Variants in PEX13 observed in about 807,000 individuals in gnomAD.
The protein encoded by PEX13 is peroxisome biogenesis factor 13.
PEX13 carries 28 observed loss-of-function variants against 34.5 expected under a neutral mutation model. The ratio of observed to expected loss-of-function variants is 0.81; its 90% CI spans 0.60 to 1.11. The LOEUF (loss-of-function observed/expected upper bound fraction) is 1.11. PEX13 is among the 50% of genes most tolerant of loss of function. The pLI is 0.00. For missense variants in PEX13, 550 were observed against 491.0 expected, an observed-to-expected ratio of 1.12 and a Z score of -1.13; for synonymous variants, 177 against 175.1, an observed-to-expected ratio of 1.01 and a Z score of -0.09.
rs150515725 is a variant in PEX13, at chr2:61,029,219, C to T, written c.93-2200C>T. Among the ~76,000 whole-genome samples the T allele has an allele frequency of 2.2e-4, 33 of 149,876 alleles. No individual in the cohort carries two copies. The East Asian group carries it at 3.1e-3, about 14-fold the overall frequency. On this transcript the variant is annotated intron_variant, in intron 1 of 3. Transcript: ENST00000295030. ...TATTTTTCCAAATAAGATTGTAAAA[C>T]GACCAATAAGCACATGAAAATATGC...
intron 1 of PEX13, 33 bp from the exon 2 acceptor site, chr2:61,031,386 T>G (rs1345804947): frequency 6.6e-6 from 10 of 1,504,992 alleles, no homozygotes; most frequent in East Asian, 2.3e-5. Context: ...ATTGTATGCT[T>G]AAATAACTGT....
rs949456015 is a variant in PEX13 at position 61,051,116 on chromosome 2, A to G, written c.*2346A>G. Reference sequence around the variant, plus strand: ...AATAGAAATCTTGACCCAGTGCAGAAAAATAAATATAGTAAAATTTATTTA... The same window carrying G: ...AATAGAAATCTTGACCCAGTGCAGAGAAATAAATATAGTAAAATTTATTTA... On this transcript the variant is annotated 3_prime_UTR_variant, in exon 4 of 4. Coordinates refer to ENST00000295030, the MANE Select transcript of PEX13 (RefSeq NM_002618.4). 1 of 152,292 alleles carries G rather than the reference A, an allele frequency of 6.6e-6. No homozygotes were observed. Among genetic ancestry groups the G allele is most frequent in the African/African-American group, 2.4e-5 (1 of 41,444 alleles). 9.4% of individuals were successfully genotyped at this position (152,292 alleles called of 1,614,324 possible). A position where few individuals can be genotyped will look rare whatever the true frequency, so the allele number is the denominator to read the frequency against.
At chr2:61,035,206 A>G (rs1680515862) in intron 2 of PEX13, among the ~76,000 whole-genome samples, 1 of 152,148 alleles carries the variant, frequency 6.6e-6, no homozygotes, top group Non-Finnish European at 1.5e-5. Context: ...CCTCCAGCAA[A>G]CTCCAACAGA....
In PEX13 at chr2:61,051,080, A is replaced by G. The variant is rs902818103; in HGVS notation, c.*2310A>G. On this transcript the variant is annotated 3_prime_UTR_variant, in exon 4 of 4. Coordinates refer to ENST00000295030, the MANE Select transcript of PEX13 (RefSeq NM_002618.4). Reference sequence around the variant, plus strand: ...TTGAAACGACAGTATCGTAAGTAACATATCATTTATAATAGAAATCTTGAC... The same window carrying G: ...TTGAAACGACAGTATCGTAAGTAACGTATCATTTATAATAGAAATCTTGAC... The G allele has an allele frequency of 1.3e-5, 2 of 152,364 alleles. No individual in the cohort carries two copies. The highest frequency in any genetic ancestry group is 6.5e-5 in the Admixed American group (1 of 15,278). 9.4% of individuals were successfully genotyped at this position (152,364 alleles called of 1,614,324 possible).
intron 2 of PEX13, among the ~76,000 whole-genome samples, chr2:61,037,017 A>G (rs1186727205): frequency 6.6e-6 from 1 of 152,182 alleles, no homozygotes; most frequent in South Asian, 2.1e-4. Flanking sequence ...AACAAAGATC[A>G]AAAGAGACAA....
chr2:61,035,658 A>G (rs531718055), intron 2 of PEX13, among the ~76,000 whole-genome samples: 1 of 152,180 alleles, frequency 6.6e-6, no homozygotes, highest in Non-Finnish European at 1.5e-5. Flanking sequence ...GCCACAGCAC[A>G]AGAACTTCAT....
chr2:61,025,253 T>G (rs1680333009), intron 1 of PEX13, among the ~76,000 whole-genome samples: 2 of 152,004 alleles, frequency 1.3e-5, no homozygotes, highest in Admixed American at 1.3e-4. Flanking sequence ...TAGTTTTTAA[T>G]AGAGACGGGG....
chr2:61,051,195 G>A lies in PEX13; in HGVS notation c.*2425G>A, dbSNP rs1163336437. The A allele has an allele frequency of 6.6e-6, 1 of 152,174 alleles. No individual in the cohort carries two copies. The highest frequency in any genetic ancestry group is 2.4e-5 in the African/African-American group (1 of 41,408). 9.4% of individuals were successfully genotyped at this position (152,174 alleles called of 1,614,324 possible). A position where few individuals can be genotyped will look rare whatever the true frequency, so the allele number is the denominator to read the frequency against. On this transcript the variant is annotated 3_prime_UTR_variant, in exon 4 of 4. Coordinates refer to ENST00000295030, the MANE Select transcript of PEX13 (RefSeq NM_002618.4). ...ATTAGCCTTGAAGTTGAAGAGATAA[G>A]GTTTCTTGTATATTATTTTTCATTT...
Position 61,017,830 on chromosome 2 carries a change from C to T in PEX13, c.71C>T (p.Pro24Leu). The change falls in exon 1 of 4, where the codon CCA becomes CTA. Residue 24 changes from proline to leucine, a missense_variant. Pro to Leu is a moderately conservative substitution (Grantham distance 98). Transcript: ENST00000295030. ...TRRIPGAGPGPGPGPTFQSAD... is the reference protein window; with the variant it reads ...TRRIPGAGPGLGPGPTFQSAD... ...CGAATTCCGGGAGCCGGACCGGGAC[C>T]AGGACCGGGCCCCACTTTCCAGTGA... The T allele has an allele frequency of 3.9e-6, 6 of 1,550,532 alleles. No homozygotes were observed. The highest frequency in any genetic ancestry group is 5.2e-6 in the Non-Finnish European group (6 of 1,146,784).
chr2:61,036,303 A>G (rs1680533834), intron 2 of PEX13, among the ~76,000 whole-genome samples: 1 of 152,188 alleles, frequency 6.6e-6, no homozygotes. Context: ...ACTCCTCGAG[A>G]AGAGCAACCC....
At chr2:61,020,116 A>G (rs565720378) in intron 1 of PEX13, among the ~76,000 whole-genome samples, 2 of 152,200 alleles carry the variant, frequency 1.3e-5, no homozygotes, top group East Asian at 3.9e-4. Context: ...GTCCCAGCTA[A>G]TCAGGAGGCT....
intron 3 of PEX13, among the ~76,000 whole-genome samples, chr2:61,046,958 G>A (rs1680712159): frequency 6.6e-6 from 1 of 152,096 alleles, no homozygotes; most frequent in Non-Finnish European, 1.5e-5. Flanking sequence ...GGTGCAGTGT[G>A]TGCACCTATA....
chr2:61,024,102 C>G (rs761194476), intron 1 of PEX13, among the ~76,000 whole-genome samples: 5 of 152,168 alleles, frequency 3.3e-5, no homozygotes, highest in Middle Eastern at 3.2e-3. Context: ...CTCACCATCT[C>G]TGTCTTATTC....
chr2:61,047,615 A>G (rs1680724480), intron 3 of PEX13, among the ~76,000 whole-genome samples: 1 of 152,166 alleles, frequency 6.6e-6, no homozygotes, highest in Non-Finnish European at 1.5e-5. Context: ...AAAATTTTAT[A>G]TTTCATTATT....
At chr2:61,042,668 AAAAAT>A (rs1183855360) in intron 2 of PEX13, among the ~76,000 whole-genome samples, 4 of 152,192 alleles carry the variant, frequency 2.6e-5, no homozygotes, top group East Asian at 1.9e-4. Context: ...GCATCAAAAT[AAAAAT>A]AAAATAAAAT....
intron 1 of PEX13, among the ~76,000 whole-genome samples, chr2:61,027,048 C>T (rs1680368659): frequency 6.6e-6 from 1 of 151,918 alleles, no homozygotes; most frequent in Non-Finnish European, 1.5e-5. Flanking sequence ...TCAGACTGGG[C>T]ATGGTGGCTC....
chr2:61,043,100 A>G (rs1259609894), intron 2 of PEX13, among the ~76,000 whole-genome samples: 1 of 152,156 alleles, frequency 6.6e-6, no homozygotes, highest in Non-Finnish European at 1.5e-5. Flanking sequence ...GGCCCTTACT[A>G]AATGCCCCTT....
intron 2 of PEX13, among the ~76,000 whole-genome samples, chr2:61,039,185 AT>A (rs1680581098): frequency 6.6e-6 from 1 of 152,190 alleles, no homozygotes; most frequent in Non-Finnish European, 1.5e-5. Context: ...TAATTTATAG[AT>A]GCAATGCTAT....
rs998276506 is a variant in PEX13, at chr2:61,049,487, C to T, written c.*717C>T. Reference sequence around the variant, plus strand: ...CTAAGGATCCCTTAATTATTTATCTCTTTAAGCCAGGCATGGTGGCTCACG... The same window carrying T: ...CTAAGGATCCCTTAATTATTTATCTTTTTAAGCCAGGCATGGTGGCTCACG... On this transcript the variant is annotated 3_prime_UTR_variant, in exon 4 of 4. Coordinates refer to ENST00000295030, the MANE Select transcript of PEX13 (RefSeq NM_002618.4). 6.6e-6 allele frequency: 1 copy of T among 152,324 alleles called. No homozygotes were observed. Among genetic ancestry groups the T allele is most frequent in the African/African-American group, 2.4e-5 (1 of 41,432 alleles). 9.4% of individuals were successfully genotyped at this position (152,324 alleles called of 1,614,324 possible).
Sources: allele counts gnomAD v4.1 joint callset (sites outside exome capture counted in the v4.1 genomes callset), GRCh38; gene constraint gnomAD v4.1.1; transcripts MANE v1.5; gene names NCBI Gene and HGNC (gene_info 2026-07-23, HGNC 2026-07-21).